The following PSD2 variants were observed in gnomAD, a reference collection of about 807,000 sequenced individuals.
PSD2 encodes pleckstrin and Sec7 domain containing 2, also known as PH and SEC7 domain-containing protein 2.
PSD2 carries 38 observed loss-of-function variants against 69.8 expected under a neutral mutation model. The ratio of observed to expected loss-of-function variants is 0.54; its 90% CI spans 0.42 to 0.71. The LOEUF (loss-of-function observed/expected upper bound fraction) is 0.71. PSD2 is among the 30% of genes least tolerant of loss of function. PSD2 has a pLI of 0.00. For synonymous variants in PSD2, 412 were observed against 423.0 expected (o/e 0.97, Z 0.32); for missense variants, 943 against 1,014.5 (o/e 0.93, Z 0.96).
intron 5 of PSD2, among the ~76,000 whole-genome samples, chr5:139,819,753 T>C (rs1426191333): frequency 6.6e-6 from 1 of 152,222 alleles, no homozygotes; most frequent in Non-Finnish European, 1.5e-5. Context: ...GTTGGTGTGC[T>C]GCAGGCTACT....
At position 139,837,769 on chromosome 5, in the gene PSD2, C is replaced by T. The variant is rs1322190472; in HGVS notation, c.1810C>T (p.Leu604Phe). The change falls in exon 12 of 15, where the codon CTC becomes TTC. Residue 604 changes from leucine (L) to phenylalanine (F), a missense_variant. Leu to Phe is a conservative substitution (Grantham distance 22). Around this residue, in one of 3 missense-constraint regions of PSD2, gnomAD observed 312 missense variants for 400.7 expected, o/e 0.78. Transcript: ENST00000274710. The surrounding 1 kb of genome is among the most constrained non-coding windows in gnomAD (Gnocchi z 5.0). The stretch of plus-strand genomic sequence containing the variant: ...TAAGACAGCCGACTGGAGGGTATTC[C>T]TCTTCCAGGCACCGTGAGTAGGAGC... ...KLKTADWRVF[L>F]FQAPSKEEML... 6.2e-7 allele frequency: 1 copy of T among 1,611,070 alleles called. No homozygotes were observed. The highest frequency in any genetic ancestry group is 1.1e-5 in the South Asian group (1 of 90,894).
chr5:139,813,604 C>T lies in PSD2; in HGVS notation c.667C>T (p.Arg223Trp), dbSNP rs374016750. Residue 223 changes from arginine (R) to tryptophan (W), a missense_variant, in exon 3 of 15, where the codon CGG (arginine) becomes TGG (tryptophan). By Grantham distance (101) the Arg-to-Trp change is moderately radical. Around this residue, in one of 3 missense-constraint regions of PSD2, gnomAD observed 466 missense variants for 445.0 expected, o/e 1.05. Transcript: ENST00000274710. ...TGATGGGGAGCTGGGCAGCCCCCTGCGGCGCTCCATCTCCAGCAGCCGCTC... is the reference window on the plus strand; with the variant it reads ...TGATGGGGAGCTGGGCAGCCCCCTGTGGCGCTCCATCTCCAGCAGCCGCTC... ...GGDGELGSPL[R>W]RSISSSRSEN... The T allele has an allele frequency of 5.6e-6, 9 of 1,613,748 alleles. No homozygotes were observed. The highest frequency in any genetic ancestry group is 5.9e-6 in the Non-Finnish European group (7 of 1,179,882).
At chr5:139,803,222 C>G (rs60870216) in intron 1 of PSD2, among the ~76,000 whole-genome samples, 35,760 of 152,202 alleles carry the variant, frequency 0.23, 4,344 homozygotes, top group South Asian at 0.32. Context: ...TCTGGCCCCC[C>G]TCCTGGCCCC....
intron 1 of PSD2, among the ~76,000 whole-genome samples, chr5:139,800,249 C>G (rs1338035577): frequency 6.6e-6 from 1 of 152,254 alleles, no homozygotes; most frequent in Non-Finnish European, 1.5e-5. Context: ...TGGCCTACCC[C>G]ACTCCTGCAC....
intron 1 of PSD2, among the ~76,000 whole-genome samples, chr5:139,806,990 T>C (rs1245824830): frequency 1.3e-5 from 2 of 152,104 alleles, no homozygotes; most frequent in African/African-American, 2.4e-5. Flanking sequence ...GCAGGGCAGG[T>C]AGGGCTGGAG....
At chr5:139,817,244 T>G (rs150914328) in intron 4 of PSD2, among the ~76,000 whole-genome samples, 5 of 152,306 alleles carry the variant, frequency 3.3e-5, no homozygotes, top group Non-Finnish European at 4.4e-5. Context: ...CCCTACTCCC[T>G]TCGCCTGGTT....
chr5:139,817,673 C>A, intron 5 of PSD2, 112 bp downstream of exon 5: 2 of 915,716 alleles, frequency 2.2e-6, no homozygotes, highest in Non-Finnish European at 3.5e-6. Flanking sequence ...GTCTTTTGAC[C>A]CCTGGTGAGG....
chr5:139,766,939 TTC>T, the PSD2 span, among the ~76,000 whole-genome samples: 128 of 97,080 alleles, frequency 1.3e-3, 2 homozygotes, highest in African/African-American at 5.6e-3. Flanking sequence ...CCTTCTTTCT[TTC>T]TTTCTTTCTT....
intron 1 of PSD2, among the ~76,000 whole-genome samples, chr5:139,805,068 G>A (rs571461635): frequency 7.9e-5 from 12 of 152,132 alleles, no homozygotes; most frequent in South Asian, 2.1e-4. Context: ...GTGCACGTGC[G>A]CGTGTGTCTG....
the PSD2 span, among the ~76,000 whole-genome samples, chr5:139,760,643 C>T: frequency 1.1e-4 from 16 of 152,176 alleles, no homozygotes; most frequent in Non-Finnish European, 2.1e-4. Context: ...CAGAATGACT[C>T]AGTGGCTTTC....
chr5:139,823,961 C>G (rs55750332), intron 7 of PSD2, among the ~76,000 whole-genome samples: 1 of 152,286 alleles, frequency 6.6e-6, no homozygotes, highest in Non-Finnish European at 1.5e-5. Context: ...AGCAAATATG[C>G]GACAGCTTTT....
chr5:139,755,128 CCTCATGGATTTG>C, the PSD2 span, among the ~76,000 whole-genome samples: 2 of 152,228 alleles, frequency 1.3e-5, no homozygotes, highest in Non-Finnish European at 2.9e-5. Context: ...TCTGCCCCAG[CCTCATGGATTTG>C]AGGCAGCGCC....
upstream of PSD2, among the ~76,000 whole-genome samples, chr5:139,794,353 G>A (rs190634130): frequency 2.0e-5 from 3 of 152,324 alleles, no homozygotes; most frequent in East Asian, 5.8e-4. Flanking sequence ...TTGGTTGTCA[G>A]AGGTGTCACC....
chr5:139,755,458 T>A, the PSD2 span, among the ~76,000 whole-genome samples: 1 of 152,060 alleles, frequency 6.6e-6, no homozygotes, highest in Admixed American at 6.6e-5. Context: ...TATTGTTGCA[T>A]GTTTGTGTTT....
At chr5:139,751,220 C>G in the PSD2 span, among the ~76,000 whole-genome samples, 1 of 152,192 alleles carries the variant, frequency 6.6e-6, no homozygotes, top group Admixed American at 6.5e-5. Flanking sequence ...CCACAGTCTT[C>G]TGGGACTCAA....
Position 139,842,443 on chromosome 5 carries a change from C to A in PSD2, c.2285C>A (p.Thr762Asn). Residue 762 changes from threonine (T) to asparagine (N), a missense_variant, in exon 15 of 15, where the codon ACC (threonine) becomes AAC (asparagine). This residue lies in a region of PSD2 where 165 missense variants were observed against 168.8 expected (regional missense o/e 0.98). Coordinates refer to ENST00000274710, the MANE Select transcript of PSD2 (RefSeq NM_032289.4). ...CAGGGCCATGTGACTGGCAGCAAAA[C>A]CACAAAGGATGCCACTGGGCCTGAT... Reference protein sequence around the residue: ...LSQGHVTGSKTTKDATGPDT With the variant: ...LSQGHVTGSKNTKDATGPDT The A allele has an allele frequency of 1.9e-6, 3 of 1,614,180 alleles. No homozygotes were observed. Among genetic ancestry groups the A allele is most frequent in the Non-Finnish European group, 2.5e-6 (3 of 1,180,022 alleles).
At chr5:139,833,621 T>C in intron 7 of PSD2, 81 bp from the exon 8 acceptor site, 1 of 958,038 alleles carries the variant, frequency 1.0e-6, no homozygotes, top group Non-Finnish European at 1.7e-6. Context: ...GCCTCATCCC[T>C]CTGGCTGGGC....
the PSD2 span, among the ~76,000 whole-genome samples, chr5:139,771,868 T>A: frequency 2.0e-5 from 3 of 152,138 alleles, no homozygotes; most frequent in African/African-American, 7.2e-5. Flanking sequence ...CACTGACCAC[T>A]GGGCTGCCAT....
At chr5:139,799,459 G>A (rs1342402412) in intron 1 of PSD2, among the ~76,000 whole-genome samples, 1 of 152,204 alleles carries the variant, frequency 6.6e-6, no homozygotes, top group Non-Finnish European at 1.5e-5. Flanking sequence ...AGGGCATGGG[G>A]GCCAGACAGG....
Sources: gnomAD v4.1 joint callset for allele counts (sites outside exome capture counted in the v4.1 genomes callset) on GRCh38, gnomAD v4.1.1 for gene constraint, gnomAD v4.1.1 regional missense constraint, Gnocchi (gnomAD v3.1) non-coding constraint, MANE v1.5 for transcripts, NCBI Gene and HGNC (gene_info 2026-07-23, HGNC 2026-07-21) for gene names.